The following PCDHA7 variants were observed in gnomAD, a reference collection of about 807,000 sequenced individuals.
The protein encoded by PCDHA7 is protocadherin alpha 7.
In PCDHA7, 37 loss-of-function variants were observed where a neutral mutation model predicts 57.2. That is an observed-to-expected ratio of 0.65 (90% CI 0.50 to 0.85). The LOEUF is 0.85. PCDHA7 is among the 40% of genes least tolerant of loss of function. The pLI is 0.00. For synonymous variants in PCDHA7, 553 were observed against 558.8 expected (o/e 0.99, Z 0.15); for missense variants, 1,188 against 1,241.8 (o/e 0.96, Z 0.65).
At chr5:140,942,737 A>C (rs180744405) in intron 1 of PCDHA7, among the ~76,000 whole-genome samples, 1 of 152,354 alleles carries the variant, frequency 6.6e-6, no homozygotes, top group East Asian at 1.9e-4. Context: ...AAAATATTTT[A>C]AAATCTTGTA....
chr5:140,857,909 T>C (rs1554150840), intron 1 of PCDHA7: 1 of 1,597,744 alleles, frequency 6.3e-7, no homozygotes, highest in Non-Finnish European at 8.6e-7. Flanking sequence ...ACGCATCCCG[T>C]TTCGCGTGGG....
At chr5:140,953,551 T>C (rs565115779) in intron 1 of PCDHA7, among the ~76,000 whole-genome samples, 1 of 152,240 alleles carries the variant, frequency 6.6e-6, no homozygotes, top group East Asian at 1.9e-4. Flanking sequence ...GATTCTTTTC[T>C]CCAAGTTTTA....
intron 1 of PCDHA7, chr5:140,851,881 T>C: frequency 1.0e-6 from 1 of 977,870 alleles, no homozygotes; most frequent in Non-Finnish European, 1.2e-6. Context: ...GGCAGAAATC[T>C]GGATATGAGA....
At chr5:140,924,675 A>G (rs2081950007) in intron 1 of PCDHA7, among the ~76,000 whole-genome samples, 1 of 152,152 alleles carries the variant, frequency 6.6e-6, no homozygotes, top group Non-Finnish European at 1.5e-5. Flanking sequence ...CAGGCCAATC[A>G]CTTGAGGTCA....
At chr5:140,858,604 AT>A (rs2045515312) in intron 1 of PCDHA7, 6 of 1,276,538 alleles carry the variant, frequency 4.7e-6, no homozygotes, top group Non-Finnish European at 6.4e-6. Flanking sequence ...GAGTTTTAAA[AT>A]TTTTTTATCC....
intron 1 of PCDHA7, chr5:140,857,381 G>A (rs1232678115): frequency 6.3e-7 from 1 of 1,598,364 alleles, no homozygotes; most frequent in Non-Finnish European, 8.6e-7. Flanking sequence ...TGTGGAGGTG[G>A]CCGACGTGAA....
chr5:140,850,420 C>T lies in PCDHA7; in HGVS notation c.2355+13682C>T. The T allele has an allele frequency of 1.9e-6, 3 of 1,597,930 alleles. 1 individual carries two copies. The highest frequency in any genetic ancestry group is 2.6e-6 in the Non-Finnish European group (3 of 1,167,744). ...ACGCGTGCCCTGGACGAAACGGACG[C>T]ACCGCGCCAGCGCCTACTGGTGCTG... On this transcript the variant is annotated intron_variant, in intron 1 of 3. Transcript: ENST00000525929.
chr5:140,918,817 A>C (rs1554198772), intron 1 of PCDHA7, among the ~76,000 whole-genome samples: 1 of 62,248 alleles, frequency 1.6e-5, no homozygotes, highest in Non-Finnish European at 2.7e-5. Context: ...TGAACCAAAA[A>C]GTGGCCCCCT....
At chr5:140,887,333 T>A (rs1214047567) in intron 1 of PCDHA7, among the ~76,000 whole-genome samples, 1 of 152,174 alleles carries the variant, frequency 6.6e-6, no homozygotes, top group African/African-American at 2.4e-5. Context: ...CCTGACCTCG[T>A]GATCCACCTG....
chr5:140,946,611 AATATATATAT>A (rs1554217734), intron 1 of PCDHA7, among the ~76,000 whole-genome samples: 3 of 86,806 alleles, frequency 3.5e-5, no homozygotes, highest in African/African-American at 1.3e-4. Flanking sequence ...GAAAATGTGA[AATATATATAT>A]ATATATATAT....
At chr5:140,849,563 G>T (rs2150440707) in intron 1 of PCDHA7, 1 of 1,598,488 alleles carries the variant, frequency 6.3e-7, no homozygotes, top group Non-Finnish European at 8.6e-7. Context: ...AAACGCTCTC[G>T]GTTCCTGTAA....
intron 3 of PCDHA7, among the ~76,000 whole-genome samples, chr5:141,003,809 G>C (rs1554259330): frequency 6.6e-6 from 1 of 152,290 alleles, no homozygotes; most frequent in African/African-American, 2.4e-5. Flanking sequence ...GTAATCTGTA[G>C]TCTGGGAAGG....
intron 1 of PCDHA7, among the ~76,000 whole-genome samples, chr5:140,946,338 A>T (rs1042874038): frequency 6.6e-6 from 1 of 151,824 alleles, no homozygotes; most frequent in Non-Finnish European, 1.5e-5. Flanking sequence ...ATAACAAGTG[A>T]TGGAGAGGAT....
rs2150519763 is a variant in PCDHA7 at position 140,852,589 on chromosome 5, T to A, written c.2355+15851T>A. The A allele has an allele frequency of 2.2e-3, 1,950 of 884,634 alleles. 113 individuals are homozygous for A. Among genetic ancestry groups the A allele is most frequent in the South Asian group, 8.1e-3 (160 of 19,680 alleles). 54.8% of individuals were successfully genotyped at this position (884,634 alleles called of 1,614,324 possible). A position where few individuals can be genotyped will look rare whatever the true frequency, so the allele number is the denominator to read the frequency against. On this transcript the variant is annotated intron_variant, in intron 1 of 3. Coordinates refer to ENST00000525929, the MANE Select transcript of PCDHA7 (RefSeq NM_018910.3). Reference sequence around the variant, plus strand: ...CTGTGCCAAGGCTTTTTTATTTTTTTTTTTTGTCATTTTCTTTCAAAACTT... The same window carrying A: ...CTGTGCCAAGGCTTTTTTATTTTTTATTTTTGTCATTTTCTTTCAAAACTT...
At chr5:140,871,334 T>G (rs1554165439) in intron 1 of PCDHA7, 1 of 1,614,044 alleles carries the variant, frequency 6.2e-7, no homozygotes, top group African/African-American at 1.3e-5. Flanking sequence ...TCCCGCGCGG[T>G]GGGGAGCTGG....
chr5:140,952,821 A>G (rs269545), intron 1 of PCDHA7, among the ~76,000 whole-genome samples: 31,238 of 152,098 alleles, frequency 0.21, 3,965 homozygotes, highest in African/African-American at 0.36. Context: ...CTGTACAGGA[A>G]GCATGATGCT....
chr5:140,877,493 A>C, intron 1 of PCDHA7: 1 of 1,613,856 alleles, frequency 6.2e-7, no homozygotes, highest in African/African-American at 1.3e-5. Flanking sequence ...GAGAACGGCC[A>C]GGCCCCAAAG....
chr5:140,928,875 T>C (rs781860300), intron 1 of PCDHA7: 1 of 1,614,184 alleles, frequency 6.2e-7, no homozygotes, highest in Non-Finnish European at 8.5e-7. Context: ...ACTCTGTCCC[T>C]CAGTTACTTC....
chr5:140,980,036 G>A (rs952735379), intron 2 of PCDHA7, among the ~76,000 whole-genome samples: 9 of 152,294 alleles, frequency 5.9e-5, no homozygotes, highest in Non-Finnish European at 1.0e-4. Flanking sequence ...ATTACATTGG[G>A]TGCTATTTCT....
Sources: gnomAD v4.1 joint callset for allele counts (sites outside exome capture counted in the v4.1 genomes callset) on GRCh38, gnomAD v4.1.1 for gene constraint, MANE v1.5 for transcripts, NCBI Gene and HGNC (gene_info 2026-07-23, HGNC 2026-07-21) for gene names.